The following FHOD3 variants were observed in gnomAD, a reference collection of about 807,000 sequenced individuals.
The protein encoded by FHOD3 is FH1/FH2 domain-containing protein 3.
In FHOD3, 90 loss-of-function variants were observed where a neutral mutation model predicts 173.0. That is an observed-to-expected ratio of 0.52 (90% CI 0.44 to 0.62). The LOEUF (loss-of-function observed/expected upper bound fraction) is 0.62. Among genes scored for constraint, FHOD3 ranks in the 20% least tolerant of loss-of-function variants. The pLI is 0.00. For synonymous variants in FHOD3, 828 were observed against 823.0 expected, an observed-to-expected ratio of 1.01 and a Z score of -0.10; for missense variants, 1,945 against 2,034.7, an observed-to-expected ratio of 0.96 and a Z score of 0.85.
chr18:36,558,561 G>T (rs756198046), intron 5 of FHOD3, among the ~76,000 whole-genome samples: 12 of 151,978 alleles, frequency 7.9e-5, no homozygotes, highest in Admixed American at 2.0e-4. Flanking sequence ...TCCTACTTCT[G>T]GGAATATATC....
intron 4 of FHOD3, among the ~76,000 whole-genome samples, chr18:36,505,937 A>G (rs1301721911): frequency 6.6e-6 from 1 of 152,200 alleles, no homozygotes; most frequent in Non-Finnish European, 1.5e-5. Flanking sequence ...ATTTTAAAAG[A>G]GTGCATTTCT....
At chr18:36,512,404 G>C in intron 4 of FHOD3, 34 bp from the exon 5 acceptor site, 2 of 1,485,106 alleles carry the variant, frequency 1.3e-6, no homozygotes, top group South Asian at 1.1e-5. Flanking sequence ...GACAGGGACA[G>C]TATTTGAAGT....
At chr18:36,756,537 A>G (rs918594485) in intron 25 of FHOD3, among the ~76,000 whole-genome samples, 1 of 152,194 alleles carries the variant, frequency 6.6e-6, no homozygotes, top group Non-Finnish European at 1.5e-5. Context: ...GGAAGACCTC[A>G]CTGAAGCCGC....
At chr18:36,549,664 A>G (rs1026028485) in intron 5 of FHOD3, among the ~76,000 whole-genome samples, 1 of 147,938 alleles carries the variant, frequency 6.8e-6, no homozygotes, top group Non-Finnish European at 1.5e-5. Flanking sequence ...CAGCCTCCCA[A>G]GGAGCTGGGA....
chr18:36,358,943 C>T (rs1001445115), intron 2 of FHOD3, among the ~76,000 whole-genome samples: 1 of 152,096 alleles, frequency 6.6e-6, no homozygotes, highest in Non-Finnish European at 1.5e-5. Context: ...ACAAGTGTGC[C>T]CCCAAATCAC....
At chr18:36,738,144 T>G (rs150803160) in intron 20 of FHOD3, among the ~76,000 whole-genome samples, 1 of 152,368 alleles carries the variant, frequency 6.6e-6, no homozygotes, top group African/African-American at 2.4e-5. Context: ...TTCATTCAAG[T>G]CATTGTACAT....
chr18:36,361,049 G>T (rs1005289765), intron 2 of FHOD3, among the ~76,000 whole-genome samples: 2 of 152,292 alleles, frequency 1.3e-5, no homozygotes, highest in Non-Finnish European at 2.9e-5. Context: ...AGGGAAGAAA[G>T]GTAGACGTTC....
intron 20 of FHOD3, among the ~76,000 whole-genome samples, chr18:36,735,002 T>C (rs1004211738): frequency 6.6e-6 from 1 of 152,224 alleles, no homozygotes; most frequent in Non-Finnish European, 1.5e-5. Context: ...GAAAATCATT[T>C]TGCAGCCATC....
intron 17 of FHOD3, among the ~76,000 whole-genome samples, chr18:36,704,863 C>G (rs1278590868): frequency 6.6e-6 from 1 of 152,230 alleles, no homozygotes; most frequent in East Asian, 1.9e-4. Context: ...CAGCTGATGT[C>G]TGGGATGGAA....
At chr18:36,344,732 A>G (rs2045798787) in intron 1 of FHOD3, among the ~76,000 whole-genome samples, 1 of 152,172 alleles carries the variant, frequency 6.6e-6, no homozygotes, top group African/African-American at 2.4e-5. Context: ...ACAGTCTTTG[A>G]TATATTTTTA....
chr18:36,661,747 AGGAAG>A (rs1237911824), intron 14 of FHOD3, among the ~76,000 whole-genome samples: 1 of 152,216 alleles, frequency 6.6e-6, no homozygotes, highest in African/African-American at 2.4e-5. Context: ...TGACATAGGA[AGGAAG>A]TGCTGAAGAA....
At chr18:36,774,617 G>A (rs1327667930) in intron 28 of FHOD3, among the ~76,000 whole-genome samples, 1 of 152,184 alleles carries the variant, frequency 6.6e-6, no homozygotes, top group Non-Finnish European at 1.5e-5. Context: ...ATTTGGGAAT[G>A]TCTGCTTTTT....
chr18:36,431,845 G>A (rs2050568428), intron 3 of FHOD3, among the ~76,000 whole-genome samples: 1 of 152,174 alleles, frequency 6.6e-6, no homozygotes, highest in African/African-American at 2.4e-5. Flanking sequence ...TTTGTTGAAT[G>A]TAATTATGAT....
At chr18:36,534,895 T>A (rs2056931818) in intron 5 of FHOD3, among the ~76,000 whole-genome samples, 1 of 152,202 alleles carries the variant, frequency 6.6e-6, no homozygotes, top group Admixed American at 6.5e-5. Flanking sequence ...AGAAGGCCAT[T>A]CAAAACACTC....
chr18:36,684,291 G>A (rs1380025382), intron 15 of FHOD3, among the ~76,000 whole-genome samples: 1 of 152,140 alleles, frequency 6.6e-6, no homozygotes, highest in African/African-American at 2.4e-5. Context: ...TACAAAATAT[G>A]TAAAATGTAC....
intron 3 of FHOD3, among the ~76,000 whole-genome samples, chr18:36,463,415 AT>A (rs1337242822): frequency 0.1 from 1 of 10 alleles, no homozygotes; most frequent in African/African-American, 0.5. Flanking sequence ...ATTTAAAAAA[AT>A]AATATATATT....
At chr18:36,314,750 A>G (rs2044037375) in intron 1 of FHOD3, among the ~76,000 whole-genome samples, 1 of 152,194 alleles carries the variant, frequency 6.6e-6, no homozygotes, top group South Asian at 2.1e-4. Context: ...GCCTCAAATG[A>G]AAAACCAGAG....
At chr18:36,576,403 A>G in intron 5 of FHOD3, 48 bp from the exon 6 acceptor site, 1 of 1,361,672 alleles carries the variant, frequency 7.3e-7, no homozygotes, top group Non-Finnish European at 1.0e-6. Flanking sequence ...TGAAGATTAT[A>G]TTTCTATATA....
At chr18:36,444,598 C>G (rs920156521) in intron 3 of FHOD3, among the ~76,000 whole-genome samples, 1 of 152,116 alleles carries the variant, frequency 6.6e-6, no homozygotes, top group Non-Finnish European at 1.5e-5. Flanking sequence ...TAACTAGTCT[C>G]CTTTCTGGTT....
Sources: allele counts gnomAD v4.1 joint callset (sites outside exome capture counted in the v4.1 genomes callset), GRCh38; gene constraint gnomAD v4.1.1; transcripts MANE v1.5; gene names NCBI Gene and HGNC (gene_info 2026-07-23, HGNC 2026-07-21).